The following F5 variants were observed in gnomAD, a reference collection of about 807,000 sequenced individuals.
The protein encoded by F5 is coagulation factor V, also known as activated protein c cofactor.
F5 carries 138 observed loss-of-function variants against 216.4 expected under a neutral mutation model. The ratio of observed to expected loss-of-function variants is 0.64; its 90% confidence interval spans 0.56 to 0.73. The LOEUF is 0.73. Ranked by LOEUF, F5 falls within the 30% of genes least tolerant of loss-of-function variation. The pLI is 0.00. For missense variants in F5, 2,403 were observed against 2,674.0 expected, an observed-to-expected ratio of 0.90 and a Z score of 2.24; for synonymous variants, 916 against 930.7, an observed-to-expected ratio of 0.98 and a Z score of 0.29.
chr1:169,557,224 A>T (rs1435644703), intron 5 of F5, among the ~76,000 whole-genome samples: 1 of 152,138 alleles, frequency 6.6e-6, no homozygotes, highest in Non-Finnish European at 1.5e-5. Flanking sequence ...TCAGGACTTT[A>T]ACTATTAGAA....
At chr1:169,518,773 C>T (rs1298594104) in intron 22 of F5, among the ~76,000 whole-genome samples, 11 of 152,132 alleles carry the variant, frequency 7.2e-5, no homozygotes, top group Non-Finnish European at 8.8e-5. Context: ...CATTTTAGTA[C>T]AGCCAAAACA....
At chr1:169,584,249 G>T (rs1020630395) in intron 1 of F5, among the ~76,000 whole-genome samples, 19 of 152,176 alleles carry the variant, frequency 1.2e-4, no homozygotes, top group African/African-American at 4.6e-4. Context: ...TGTCTATTTT[G>T]ATCTGAACAA....
intron 3 of F5, among the ~76,000 whole-genome samples, chr1:169,562,425 CTTAT>C (rs1660504686): frequency 6.6e-6 from 1 of 151,930 alleles, no homozygotes; most frequent in East Asian, 1.9e-4. Flanking sequence ...TTTATTCAAT[CTTAT>C]TTGTTTCTTA....
intron 2 of F5, among the ~76,000 whole-genome samples, chr1:169,572,832 T>C (rs758564771): frequency 6.6e-5 from 10 of 152,008 alleles, no homozygotes; most frequent in Non-Finnish European, 1.2e-4. Flanking sequence ...AGAAAAACAG[T>C]ACGGGAAGAA....
chr1:169,566,049 A>T (rs1660592962), intron 3 of F5, among the ~76,000 whole-genome samples: 7 of 152,148 alleles, frequency 4.6e-5, no homozygotes, highest in Admixed American at 4.6e-4. Context: ...AGATTACAAA[A>T]GAGCTTTGGT....
At chr1:169,568,210 TTAAA>T (rs1380231607) in intron 3 of F5, among the ~76,000 whole-genome samples, 18 of 152,218 alleles carry the variant, frequency 1.2e-4, no homozygotes, top group Admixed American at 1.1e-3. Flanking sequence ...TTTCAAATAA[TTAAA>T]TGAATGATGT....
chr1:169,525,079 A>G (rs1261609529), intron 18 of F5, among the ~76,000 whole-genome samples, 171 bp from the exon 19 acceptor site: 1 of 152,228 alleles, frequency 6.6e-6, no homozygotes, highest in African/African-American at 2.4e-5. Context: ...TGCACTAACA[A>G]GACTGGTGCT....
Position 169,543,861 on chromosome 1 carries a change from T to C in F5, c.1975+435A>G, listed in dbSNP as rs983986214. On this transcript the variant is annotated intron_variant, in intron 12 of 24. Coordinates refer to ENST00000367797, the MANE Select transcript of F5 (RefSeq NM_000130.5). ...TTGTGTAAGGTTACACAGCAATCGA[T>C]TGGCAGATCAGGACTTGCATTCCAG... 8.5e-5 allele frequency among the ~76,000 whole-genome samples: 13 copies of C among 152,300 alleles called. 2 individuals carry two copies. Among genetic ancestry groups the C allele is most frequent in the South Asian group, 2.1e-4 (1 of 4,824 alleles).
chr1:169,537,837 A>G (rs1408636389), intron 13 of F5, among the ~76,000 whole-genome samples: 2 of 152,118 alleles, frequency 1.3e-5, no homozygotes, highest in African/African-American at 4.8e-5. Flanking sequence ...AAATGTTGGC[A>G]TGGATGTGAA....
At chr1:169,520,156 C>T (rs1019732107) in intron 22 of F5, among the ~76,000 whole-genome samples, 1 of 152,176 alleles carries the variant, frequency 6.6e-6, no homozygotes, top group Non-Finnish European at 1.5e-5. Flanking sequence ...ACTGTCATGA[C>T]ATTGAAGTTT....
At chr1:169,562,001 C>T (rs1412928495) in intron 3 of F5, among the ~76,000 whole-genome samples, 1 of 151,876 alleles carries the variant, frequency 6.6e-6, no homozygotes, top group African/African-American at 2.4e-5. Context: ...CTATTCCCCA[C>T]CCTCCTTCCC....
At chr1:169,580,087 T>C (rs771975631) in intron 2 of F5, among the ~76,000 whole-genome samples, 15 of 152,168 alleles carry the variant, frequency 9.9e-5, no homozygotes, top group Non-Finnish European at 1.8e-4. Context: ...TTAAAATGCA[T>C]CTATCACCCA....
intron 12 of F5, 55 bp from the exon 13 acceptor site, chr1:169,543,169 A>C: frequency 1.3e-6 from 2 of 1,514,080 alleles, no homozygotes; most frequent in Non-Finnish European, 1.8e-6. Context: ...AAAGACATGA[A>C]AACACAATAA....
Position 169,541,498 on chromosome 1 carries a change from C to T in F5, c.3592G>A (p.Glu1198Lys). The change falls in exon 13 of 25, where the codon GAA (glutamate) becomes AAA (lysine). Residue 1198 changes from glutamate to lysine, a missense_variant. Transcript: ENST00000367797. ...GGAGAGAGGTTTGTCTGGCTGAGTT[C>T]TGGAGAGAGGGTCACCTGGCTGAGG... is the stretch of plus-strand genomic sequence containing the variant. ...PDLSQVTLSP[E>K]LSQTNLSPDL... The T allele has an allele frequency of 6.2e-7, 1 of 1,614,008 alleles. No homozygotes were observed. The highest frequency in any genetic ancestry group is 8.5e-7 in the Non-Finnish European group (1 of 1,179,982).
chr1:169,585,533 G>A (rs1035211753), intron 1 of F5, among the ~76,000 whole-genome samples: 3 of 152,212 alleles, frequency 2.0e-5, no homozygotes, highest in Middle Eastern at 3.4e-3. Flanking sequence ...CTCAAGGATA[G>A]TATTTTATCT....
chr1:169,532,358 C>CAAG (rs1659610052), intron 14 of F5, among the ~76,000 whole-genome samples: 1 of 151,968 alleles, frequency 6.6e-6, no homozygotes, highest in African/African-American at 2.4e-5. Context: ...AGCAATCAAG[C>CAAG]AAGAGAAAGA....
chr1:169,555,174 C>A lies in F5; in HGVS notation c.1118+8G>T. The A allele has an allele frequency of 1.9e-6, 3 of 1,614,076 alleles. No individual in the cohort carries two copies. The highest frequency in any genetic ancestry group is 2.5e-6 in the Non-Finnish European group (3 of 1,179,960). ...CTTTGCCCAGTGGTATGAACCCCAA[C>A]AACTCACTTGTCCATATTCGCTGGT... On this transcript the variant is annotated splice_region_variant and intron_variant, in intron 7 of 24. Coordinates refer to ENST00000367797, the MANE Select transcript of F5 (RefSeq NM_000130.5).
rs568722537 is a variant in F5 at position 169,580,332 on chromosome 1, C to T, written c.250+2099G>A. Among the ~76,000 whole-genome samples, 4 of 152,094 alleles carry T rather than the reference C, an allele frequency of 2.6e-5. No homozygotes were observed. The East Asian group carries it at 7.7e-4, about 29-fold the overall frequency. ...AAGGTCCATGTCTTATTCACTTTAT[C>T]CCAGAGCCTAGAATGTAGTAGGTTC... On this transcript the variant is annotated intron_variant, in intron 2 of 24. Coordinates refer to ENST00000367797, the MANE Select transcript of F5 (RefSeq NM_000130.5).
rs1659034539 is a variant in F5, at chr1:169,511,971, T to C, written c.*2342A>G. On this transcript the variant is annotated 3_prime_UTR_variant, in exon 25 of 25. Coordinates refer to ENST00000367797, the MANE Select transcript of F5 (RefSeq NM_000130.5). ...GAGAAATAAAAAGTGGGTATCTTTT[T>C]TATTTCAAAATAACAGGGGTTTTAA... 6.6e-6 allele frequency among the ~76,000 whole-genome samples: 1 copy of C among 152,064 alleles called. No homozygotes were observed. The highest frequency in any genetic ancestry group is 1.5e-5 in the Non-Finnish European group (1 of 67,974).
Sources: allele counts gnomAD v4.1 joint callset (sites outside exome capture counted in the v4.1 genomes callset), GRCh38; gene constraint gnomAD v4.1.1; transcripts MANE v1.5; gene names NCBI Gene and HGNC (gene_info 2026-07-23, HGNC 2026-07-21).